MARCHF7: variants seen among roughly 807,000 people sequenced by gnomAD.
MARCHF7 encodes the protein membrane associated ring-CH-type finger 7, also known as E3 ubiquitin-protein ligase MARCHF7.
MARCHF7 carries 20 observed loss-of-function variants against 76.5 expected under a neutral mutation model. The ratio of observed to expected loss-of-function variants is 0.26; its 90% confidence interval spans 0.18 to 0.38. The LOEUF (loss-of-function observed/expected upper bound fraction) is 0.38. Ranked by LOEUF, MARCHF7 falls within the 10% of genes least tolerant of loss-of-function variation. The pLI, the probability that MARCHF7 is intolerant of heterozygous loss-of-function variation, is 1.00. For synonymous variants in MARCHF7, 295 were observed against 293.0 expected, an observed-to-expected ratio of 1.01 and a Z score of -0.07; for missense variants, 797 against 812.9, an observed-to-expected ratio of 0.98 and a Z score of 0.24.
At chr2:159,729,783 A>G (rs1311905282) in intron 4 of MARCHF7, among the ~76,000 whole-genome samples, 1 of 152,182 alleles carries the variant, frequency 6.6e-6, no homozygotes, top group African/African-American at 2.4e-5. Context: ...AGAGGAACAA[A>G]AACTGTACCT....
chr2:159,743,038 A>G (rs1217635983), intron 4 of MARCHF7, 23 bp from the exon 5 acceptor site: 1 of 1,596,078 alleles, frequency 6.3e-7, no homozygotes, highest in Non-Finnish European at 8.5e-7. Flanking sequence ...TTTGTTGTTT[A>G]AAAAATTTTT....
At chr2:159,717,547 C>T (rs1701175481) in intron 3 of MARCHF7, among the ~76,000 whole-genome samples, 1 of 152,112 alleles carries the variant, frequency 6.6e-6, no homozygotes, top group Admixed American at 6.5e-5. Flanking sequence ...GTAATCTGAA[C>T]TTCATTTTGT....
intron 10 of MARCHF7, among the ~76,000 whole-genome samples, chr2:159,764,255 T>TGTGTGTGTGTGTGTGC (rs10592175): frequency 7.6e-6 from 1 of 131,368 alleles, no homozygotes; most frequent in African/African-American, 3.0e-5. Flanking sequence ...TGTGTGTGTG[T>TGTGTGTGTGTGTGTGC]GCGCGCGCCC....
intron 3 of MARCHF7, among the ~76,000 whole-genome samples, chr2:159,717,204 G>A (rs1258659368): frequency 6.6e-6 from 1 of 152,120 alleles, no homozygotes; most frequent in Non-Finnish European, 1.5e-5. Context: ...CATTCTCTTA[G>A]TCACACAAGA....
At chr2:159,751,260 C>G (rs966128033) in intron 7 of MARCHF7, among the ~76,000 whole-genome samples, 3 of 152,198 alleles carry the variant, frequency 2.0e-5, no homozygotes, top group African/African-American at 7.2e-5. Flanking sequence ...GCCAGTACCA[C>G]TCTATCTGGT....
chr2:159,744,722 G>A (rs1704632690), intron 5 of MARCHF7, among the ~76,000 whole-genome samples: 1 of 152,188 alleles, frequency 6.6e-6, no homozygotes, highest in South Asian at 2.1e-4. Flanking sequence ...TAATAACTTT[G>A]TAGACAAACA....
intron 6 of MARCHF7, among the ~76,000 whole-genome samples, chr2:159,747,573 T>C (rs1490117826): frequency 6.6e-6 from 1 of 152,202 alleles, no homozygotes; most frequent in Non-Finnish European, 1.5e-5. Context: ...ATAATACATT[T>C]CTTTTTTATA....
At chr2:159,740,546 C>A (rs1342203905) in intron 4 of MARCHF7, among the ~76,000 whole-genome samples, 1 of 152,110 alleles carries the variant, frequency 6.6e-6, no homozygotes, top group African/African-American at 2.4e-5. Context: ...AACCACTGGC[C>A]TGCAGGATAA....
chr2:159,764,249 T>TGCGC (rs1201866963), intron 10 of MARCHF7, among the ~76,000 whole-genome samples: 1 of 130,996 alleles, frequency 7.6e-6, no homozygotes, highest in Non-Finnish European at 1.7e-5. Flanking sequence ...TGTGTGTGTG[T>TGCGC]GTGTGTGCGC....
chr2:159,767,599 G>T lies in MARCHF7; in HGVS notation c.*257G>T. ...CAAAAAGGTTTTTTCTTTTAGGTGA[G>T]TGGGAAAGTATTACCCTTGTTTTAA... On this transcript the variant is annotated 3_prime_UTR_variant, in exon 12 of 12. Transcript: ENST00000409175. 3.2e-6 allele frequency: 1 copy of T among 310,472 alleles called. No homozygotes were observed. The allele number at this position is 310,472 out of a possible 1,614,324, so 19.2% of individuals were successfully genotyped here. A position where few individuals can be genotyped will look rare whatever the true frequency, so the allele number is the denominator to read the frequency against.
At chr2:159,731,170 G>C (rs916966682) in intron 4 of MARCHF7, among the ~76,000 whole-genome samples, 1 of 152,174 alleles carries the variant, frequency 6.6e-6, no homozygotes, top group Admixed American at 6.6e-5. Context: ...TGGGATTACA[G>C]GTGTGAGCCA....
intron 3 of MARCHF7, among the ~76,000 whole-genome samples, chr2:159,716,888 C>T (rs564662654): frequency 6.6e-6 from 1 of 152,272 alleles, no homozygotes; most frequent in Non-Finnish European, 1.5e-5. Flanking sequence ...TCTATGGCTG[C>T]ATAACAAACC....
In MARCHF7 at chr2:159,769,643, C is replaced by CATATATATATAT. The variant is rs34620033; in HGVS notation, c.*2305_*2316dup. On this transcript the variant is annotated 3_prime_UTR_variant, in exon 12 of 12. Coordinates refer to ENST00000409175, the MANE Select transcript of MARCHF7 (RefSeq NM_001282805.2). ...CCTGGGCAGCACAGTGAGACTCCAT[C>CATATATATATAT]ATATATATATATATAGCACTTCATT... The CATATATATATAT allele has an allele frequency of 2.3e-4, 34 of 150,894 alleles. No individual in the cohort carries two copies. Among genetic ancestry groups the CATATATATATAT allele is most frequent in the African/African-American group, 8.0e-4 (33 of 41,176 alleles). The allele number at this position is 150,894 out of a possible 1,614,324, so 9.3% of individuals were successfully genotyped here. A position where few individuals can be genotyped will look rare whatever the true frequency, so the allele number is the denominator to read the frequency against.
intron 4 of MARCHF7, among the ~76,000 whole-genome samples, chr2:159,738,058 G>A (rs1703674878): frequency 6.6e-6 from 1 of 152,232 alleles, no homozygotes; most frequent in Non-Finnish European, 1.5e-5. Context: ...GCCAGACATG[G>A]ATCGGCAGGG....
chr2:159,716,475 C>T (rs1043346847), intron 3 of MARCHF7, among the ~76,000 whole-genome samples: 6 of 151,852 alleles, frequency 4.0e-5, no homozygotes, highest in Admixed American at 6.6e-5. Context: ...GATGAAACCC[C>T]GTCTCTACTA....
intron 4 of MARCHF7, 111 bp downstream of exon 4, chr2:159,729,286 C>A: frequency 2.9e-6 from 2 of 689,392 alleles, no homozygotes; most frequent in Admixed American, 3.8e-5. Flanking sequence ...ATCCTGTAAT[C>A]AAAACCAATA....
rs148173692 is a variant in MARCHF7 at position 159,713,068 on chromosome 2, C to T, written c.-143+462C>T. ...CGCGGGGCAAAGGCGGGCAGGGCTCCGGCTCGGCCAGCCCGGCCTCGAGTC... is the reference window on the plus strand; with the variant it reads ...CGCGGGGCAAAGGCGGGCAGGGCTCTGGCTCGGCCAGCCCGGCCTCGAGTC... On this transcript the variant is annotated intron_variant, in intron 1 of 11. Transcript: ENST00000409175. 2.9e-3 allele frequency among the ~76,000 whole-genome samples: 440 copies of T among 152,278 alleles called. No homozygotes were observed. In the Middle Eastern group the frequency reaches 0.045, roughly 15 times the overall value.
intron 8 of MARCHF7, among the ~76,000 whole-genome samples, chr2:159,755,911 A>C (rs1325755275): frequency 6.6e-6 from 1 of 152,182 alleles, no homozygotes. Context: ...AGTGGTGAGC[A>C]GTAGACCCCT....
chr2:159,748,633 C>T lies in MARCHF7; in HGVS notation c.1343C>T (p.Pro448Leu). The T allele has an allele frequency of 3.1e-6, 5 of 1,614,184 alleles. No homozygotes were observed. Among genetic ancestry groups the T allele is most frequent in the Non-Finnish European group, 3.4e-6 (4 of 1,180,044 alleles). ...CCTCTTGGAGCTGCTGCCAACAGAC[C>T]ACAAGCATCTGCAGCATCAAGCAGT... ...NDPLGAAANR[P>L]QASAASSSAT... The change falls in exon 7 of 12, where the codon CCA becomes CTA. Residue 448 changes from proline to leucine, a missense_variant. Around this residue, in one of 3 missense-constraint regions of MARCHF7, gnomAD observed 643 missense variants for 631.5 expected, o/e 1.02. Coordinates refer to ENST00000409175, the MANE Select transcript of MARCHF7 (RefSeq NM_001282805.2).
Sources: allele counts gnomAD v4.1 joint callset (sites outside exome capture counted in the v4.1 genomes callset), GRCh38; gene constraint gnomAD v4.1.1; regional missense constraint gnomAD v4.1.1; transcripts MANE v1.5; gene names NCBI Gene and HGNC (gene_info 2026-07-23, HGNC 2026-07-21).